Variants in SH3BP5 observed in about 807,000 individuals in gnomAD.
The protein encoded by SH3BP5 is SH3 domain-binding protein 5.
Under a neutral mutation model 43.3 loss-of-function variants are expected in SH3BP5, and 22 were observed. The ratio of observed to expected loss-of-function variants is 0.51; its 90% confidence interval spans 0.36 to 0.73. The LOEUF is 0.73. SH3BP5 is among the 30% of genes least tolerant of loss of function. SH3BP5 has a pLI of 0.00. For synonymous variants in SH3BP5, 255 were observed against 225.8 expected (o/e 1.13, Z -1.16); for missense variants, 529 against 586.9 (o/e 0.90, Z 1.02).
At position 15,257,079 on chromosome 3, in the gene SH3BP5, G is replaced by A; in HGVS notation, c.924C>T (p.Ser308=). Residue 308 remains serine (S), a synonymous_variant, in exon 8 of 9, where the codon AGC becomes AGT. Coordinates refer to ENST00000383791, the MANE Select transcript of SH3BP5 (RefSeq NM_004844.5). ...CCGAGTCATCTTCAGACACAAAGTT[G>A]CTACAGCTGTCATCTTCAAAGGCCT... ...ASEAFEDDSC[S]NFVSEDDSET... is the part of the protein sequence containing the mutation. 1 of 1,614,200 alleles carries A rather than the reference G, an allele frequency of 6.2e-7. No homozygotes were observed. Among genetic ancestry groups the A allele is most frequent in the Non-Finnish European group, 8.5e-7 (1 of 1,180,026 alleles).
At chr3:15,304,021 C>A in intron 3 of SH3BP5, 82 bp downstream of exon 3, 1 of 1,155,288 alleles carries the variant, frequency 8.7e-7, no homozygotes, top group Non-Finnish European at 1.3e-6. Flanking sequence ...TAACCTTCAG[C>A]AGGTGATACA....
intron 1 of SH3BP5, among the ~76,000 whole-genome samples, chr3:15,340,353 G>A (rs1380162473): frequency 6.6e-6 from 1 of 151,978 alleles, no homozygotes; most frequent in Non-Finnish European, 1.5e-5. Flanking sequence ...GTATTTATTG[G>A]CCATCTATTA....
intron 2 of SH3BP5, 103 bp from the exon 3 acceptor site, chr3:15,304,334 C>A (rs762399881): frequency 1.1e-5 from 17 of 1,551,076 alleles, no homozygotes; most frequent in Non-Finnish European, 1.3e-5. Context: ...CTTTACCCAA[C>A]GTACAGACCC....
intron 4 of SH3BP5, among the ~76,000 whole-genome samples, chr3:15,268,119 T>C (rs952927463): frequency 1.3e-5 from 2 of 152,136 alleles, no homozygotes; most frequent in Non-Finnish European, 2.9e-5. Flanking sequence ...TCACGCCCAC[T>C]AGGGGGCAGG....
At position 15,262,090 on chromosome 3, in the gene SH3BP5, T is replaced by A. The variant is rs1030692023; in HGVS notation, c.626+69A>T. The stretch of plus-strand genomic sequence containing the variant: ...CAGGGTGGTCCTTGAGTGTGTGACA[T>A]ACAAAAGGCTGAGAAGATGCAGACT... On this transcript the variant is annotated intron_variant, in intron 5 of 8. Coordinates refer to ENST00000383791, the MANE Select transcript of SH3BP5 (RefSeq NM_004844.5). 20 of 1,584,646 alleles carry A rather than the reference T, an allele frequency of 1.3e-5. No individual in the cohort carries two copies. In the Admixed American group the frequency reaches 2.0e-4, roughly 16 times the overall value.
Position 15,313,791 on chromosome 3 carries a change from T to C in SH3BP5, c.202-9560A>G, listed in dbSNP as rs563372402. Among the ~76,000 whole-genome samples the C allele has an allele frequency of 1.5e-3, 222 of 152,268 alleles. 1 individual carries two copies. Among genetic ancestry groups the C allele is most frequent in the African/African-American group, 4.8e-3 (201 of 41,538 alleles). On this transcript the variant is annotated intron_variant, in intron 2 of 8. Coordinates refer to ENST00000383791, the MANE Select transcript of SH3BP5 (RefSeq NM_004844.5). ...ACACTTGAAATGTGGCTGGTGCAAC[T>C]GAGTTTTGTATTTTACTTAACTTCA...
In SH3BP5 at chr3:15,332,356, G is replaced by A; in HGVS notation, c.53C>T (p.Pro18Leu). Residue 18 changes from proline (P) to leucine (L), a missense_variant, in exon 1 of 9, where the codon CCG becomes CTG. This residue lies in a region of SH3BP5 where 75 missense variants were observed against 61.8 expected (regional missense o/e 1.21). Coordinates refer to ENST00000383791, the MANE Select transcript of SH3BP5 (RefSeq NM_004844.5). Reference sequence around the variant, plus strand: ...CTCCTCCTCCTCGTCCCGGGCAGGCGGCAGGATTTCGGCTGGCTCCTCCGA... The same window carrying A: ...CTCCTCCTCCTCGTCCCGGGCAGGCAGCAGGATTTCGGCTGGCTCCTCCGA... ...SRSEEPAEIL[P>L]PARDEEEEEE... 2 of 1,541,490 alleles carry A rather than the reference G, an allele frequency of 1.3e-6. No individual in the cohort carries two copies. The highest frequency in any genetic ancestry group is 8.7e-7 in the Non-Finnish European group (1 of 1,148,262).
chr3:15,280,573 A>T (rs1161913166), intron 3 of SH3BP5, among the ~76,000 whole-genome samples: 3 of 152,116 alleles, frequency 2.0e-5, no homozygotes, highest in African/African-American at 7.2e-5. Context: ...TGGGTATTCT[A>T]TCAGCCCCAA....
chr3:15,255,942 T>C lies in SH3BP5; in HGVS notation c.*144A>G, dbSNP rs879347394. 4.1e-6 allele frequency: 3 copies of C among 733,782 alleles called. No individual in the cohort carries two copies. The highest frequency in any genetic ancestry group is 6.9e-6 in the Non-Finnish European group (3 of 433,734). 45.5% of individuals were successfully genotyped at this position (733,782 alleles called of 1,614,324 possible). ...AGCTCTTACCCAGAAGAACAATCTT[T>C]AGCCCTCAAGGTCACTGAAACTTCA... is the stretch of plus-strand genomic sequence containing the variant. On this transcript the variant is annotated 3_prime_UTR_variant, in exon 9 of 9. Transcript: ENST00000383791.
intron 3 of SH3BP5, among the ~76,000 whole-genome samples, chr3:15,297,976 T>TC (rs1304111982): frequency 2.3e-5 from 3 of 129,680 alleles, no homozygotes; most frequent in African/African-American, 1.3e-4. Context: ...TCTTTTTCTT[T>TC]TTTTTTTTTT....
intron 1 of SH3BP5, among the ~76,000 whole-genome samples, chr3:15,340,611 C>T (rs1015486713): frequency 3.1e-4 from 47 of 151,808 alleles, no homozygotes; most frequent in East Asian, 1.5e-3. Context: ...ATTAGCCAGG[C>T]GTGGTGGCAG....
At chr3:15,320,625 CACACACACACACACA>C (rs1698300838) in intron 2 of SH3BP5, among the ~76,000 whole-genome samples, 1 of 150,244 alleles carries the variant, frequency 6.7e-6, no homozygotes, top group African/African-American at 2.5e-5. Flanking sequence ...CACACACACA[CACACACACACACACA>C]CCCCACTACG....
intron 3 of SH3BP5, among the ~76,000 whole-genome samples, chr3:15,290,434 G>T (rs994085186): frequency 1.3e-5 from 2 of 150,526 alleles, no homozygotes; most frequent in Non-Finnish European, 2.9e-5. Context: ...GCTGAGGCAG[G>T]AGAATTGCTT....
chr3:15,332,821 G>C (rs1291092891), upstream of SH3BP5, among the ~76,000 whole-genome samples: 2 of 152,164 alleles, frequency 1.3e-5, no homozygotes, highest in Non-Finnish European at 2.9e-5. Context: ...GCTTTCGGGA[G>C]TCCCCTCCTC....
chr3:15,335,748 C>A (rs1049475240), upstream of SH3BP5, among the ~76,000 whole-genome samples: 2 of 152,022 alleles, frequency 1.3e-5, no homozygotes, highest in Non-Finnish European at 2.9e-5. Flanking sequence ...GTATATATTC[C>A]CTATTGGCAC....
chr3:15,334,472 A>G (rs1214261841), upstream of SH3BP5, among the ~76,000 whole-genome samples: 1 of 152,192 alleles, frequency 6.6e-6, no homozygotes, highest in Non-Finnish European at 1.5e-5. Flanking sequence ...TAACACCTGT[A>G]ATCCTAGCAT....
chr3:15,329,485 T>C (rs1034104596), intron 2 of SH3BP5, among the ~76,000 whole-genome samples: 3 of 152,342 alleles, frequency 2.0e-5, no homozygotes, highest in Middle Eastern at 3.4e-3. Flanking sequence ...TGGTTAGCGA[T>C]AACCCTTCAC....
At chr3:15,310,579 G>T (rs62242100) in intron 2 of SH3BP5, among the ~76,000 whole-genome samples, 14,249 of 152,084 alleles carry the variant, frequency 0.094, 863 homozygotes, top group Middle Eastern at 0.15. Context: ...GCCATGGAGG[G>T]GAGTGGCTCA....
upstream of SH3BP5, among the ~76,000 whole-genome samples, chr3:15,337,231 C>G (rs1042437786): frequency 1.1e-4 from 16 of 151,426 alleles, no homozygotes; most frequent in East Asian, 1.2e-3. Flanking sequence ...ATTATAGGCG[C>G]CTGCCACCAC....
Sources: allele counts gnomAD v4.1 joint callset (sites outside exome capture counted in the v4.1 genomes callset), GRCh38; gene constraint gnomAD v4.1.1; regional missense constraint gnomAD v4.1.1; transcripts MANE v1.5; gene names NCBI Gene and HGNC (gene_info 2026-07-23, HGNC 2026-07-21).